The following SLC16A7 variants were observed in gnomAD, a reference collection of about 807,000 sequenced individuals.
SLC16A7 encodes the protein solute carrier family 16 member 7, also known as monocarboxylate transporter 2.
Under a neutral mutation model 34.9 loss-of-function variants are expected in SLC16A7, and 33 were observed. The ratio of observed to expected loss-of-function variants is 0.94; its 90% confidence interval spans 0.72 to 1.26. The LOEUF (loss-of-function observed/expected upper bound fraction) is 1.26. Among genes scored for constraint, SLC16A7 ranks in the 50% most tolerant of loss-of-function variants. SLC16A7 has a pLI of 0.00. For missense variants in SLC16A7, 573 were observed against 578.1 expected, an observed-to-expected ratio of 0.99 and a Z score of 0.09; for synonymous variants, 201 against 206.6, an observed-to-expected ratio of 0.97 and a Z score of 0.23.
At chr12:59,754,676 G>C (rs1880069654) in intron 3 of SLC16A7, among the ~76,000 whole-genome samples, 2 of 152,150 alleles carry the variant, frequency 1.3e-5, no homozygotes, top group Non-Finnish European at 2.9e-5. Context: ...TCTACCAGAG[G>C]TACAAGGAGG....
chr12:59,727,805 T>TG (rs35189005), intron 3 of SLC16A7, among the ~76,000 whole-genome samples: 3 of 151,866 alleles, frequency 2.0e-5, no homozygotes, highest in Admixed American at 6.6e-5. Flanking sequence ...TTAATTGTGT[T>TG]GGGGGGGAGG....
intron 3 of SLC16A7, among the ~76,000 whole-genome samples, chr12:59,721,453 T>C (rs1875580253): frequency 6.6e-6 from 1 of 151,954 alleles, no homozygotes; most frequent in African/African-American, 2.4e-5. Context: ...TCTCTCTCCA[T>C]TAGCAATATT....
intron 1 of SLC16A7, among the ~76,000 whole-genome samples, chr12:59,614,784 C>G (rs1023668540): frequency 7.9e-6 from 1 of 127,284 alleles, no homozygotes; most frequent in African/African-American, 3.1e-5. Context: ...GTCAGGAGAT[C>G]GAGACCATCC....
At chr12:59,765,151 T>C (rs1881458296) in intron 3 of SLC16A7, among the ~76,000 whole-genome samples, 1 of 152,244 alleles carries the variant, frequency 6.6e-6, no homozygotes, top group South Asian at 2.1e-4. Flanking sequence ...TGTCTATTCA[T>C]ATCCTTCGCC....
At chr12:59,720,754 G>T (rs763860356) in intron 3 of SLC16A7, among the ~76,000 whole-genome samples, 7 of 151,826 alleles carry the variant, frequency 4.6e-5, no homozygotes, top group African/African-American at 1.7e-4. Context: ...TCACCATGTC[G>T]TATCTTCCAC....
intron 5 of SLC16A7, among the ~76,000 whole-genome samples, chr12:59,777,302 C>T (rs530927074): frequency 2.2e-4 from 33 of 152,210 alleles, no homozygotes; most frequent in South Asian, 1.2e-3. Context: ...ATCTGCTACC[C>T]GTAATATTTC....
chr12:59,608,867 C>G (rs1425868104), intron 1 of SLC16A7, among the ~76,000 whole-genome samples: 1 of 152,058 alleles, frequency 6.6e-6, no homozygotes, highest in Non-Finnish European at 1.5e-5. Flanking sequence ...AGAAACACTT[C>G]TAAAAAAAGT....
intron 3 of SLC16A7, among the ~76,000 whole-genome samples, chr12:59,748,602 A>T (rs146538861): frequency 1.3e-5 from 2 of 152,334 alleles, no homozygotes; most frequent in African/African-American, 4.8e-5. Flanking sequence ...GATATGTACC[A>T]TAGACTGAAG....
chr12:59,696,566 A>C (rs1475843026), intron 2 of SLC16A7: 2 of 152,046 alleles, frequency 1.3e-5, no homozygotes, highest in Non-Finnish European at 2.9e-5. Flanking sequence ...GGCTGTGCTT[A>C]CAAGCTGTGC....
intron 1 of SLC16A7, among the ~76,000 whole-genome samples, chr12:59,626,039 T>C (rs527714685): frequency 7.8e-4 from 119 of 151,948 alleles, no homozygotes; most frequent in African/African-American, 2.8e-3. Context: ...TTATTGCAAA[T>C]TCATTGTCTA....
intron 3 of SLC16A7, among the ~76,000 whole-genome samples, chr12:59,734,995 C>G (rs1179471560): frequency 6.6e-6 from 1 of 152,176 alleles, no homozygotes; most frequent in African/African-American, 2.4e-5. Flanking sequence ...TTCTGTATAA[C>G]TAAATCATCT....
chr12:59,788,438 C>T lies in SLC16A7; in HGVS notation c.*8759C>T, dbSNP rs1883769963. ...ACCACTGAACAAATGATCATATTGC[C>T]ACATGGTCTATCAACTATGGTTACT... On this transcript the variant is annotated 3_prime_UTR_variant, in exon 6 of 6. Transcript: ENST00000547379. The T allele has an allele frequency of 6.6e-6, 1 of 151,932 alleles. No homozygotes were observed. The highest frequency in any genetic ancestry group is 6.6e-5 in the Admixed American group (1 of 15,252). 9.4% of individuals were successfully genotyped at this position (151,932 alleles called of 1,614,324 possible).
intron 1 of SLC16A7, among the ~76,000 whole-genome samples, chr12:59,609,217 T>C (rs1170462888): frequency 6.6e-6 from 1 of 152,210 alleles, no homozygotes; most frequent in Non-Finnish European, 1.5e-5. Flanking sequence ...TTTAGGGAGA[T>C]ACTAAATGAT....
intron 1 of SLC16A7, among the ~76,000 whole-genome samples, chr12:59,630,994 C>T (rs138392846): frequency 1.3e-5 from 2 of 151,788 alleles, no homozygotes; most frequent in Non-Finnish European, 2.9e-5. Flanking sequence ...TACATATTAA[C>T]CTCTTAGGTA....
At chr12:59,751,645 C>G (rs1368091500) in intron 3 of SLC16A7, among the ~76,000 whole-genome samples, 1 of 152,240 alleles carries the variant, frequency 6.6e-6, no homozygotes, top group Non-Finnish European at 1.5e-5. Context: ...GGAAGCCTGC[C>G]TGCCTCTGTA....
chr12:59,688,023 G>T (rs1871291490), intron 2 of SLC16A7, among the ~76,000 whole-genome samples: 1 of 152,030 alleles, frequency 6.6e-6, no homozygotes, highest in South Asian at 2.1e-4. Context: ...GAAAGACCTG[G>T]TAACTTTATT....
At chr12:59,608,981 T>C (rs1417393668) in intron 1 of SLC16A7, among the ~76,000 whole-genome samples, 6 of 152,232 alleles carry the variant, frequency 3.9e-5, no homozygotes, top group Admixed American at 3.9e-4. Context: ...GGTCAGTTAC[T>C]TTAAGTGTGA....
intron 1 of SLC16A7, among the ~76,000 whole-genome samples, chr12:59,631,898 G>A (rs1013728553): frequency 6.6e-6 from 1 of 151,992 alleles, no homozygotes; most frequent in Non-Finnish European, 1.5e-5. Context: ...GCTTAAATTA[G>A]TGTGTGTGTA....
At chr12:59,650,876 T>C (rs957311689) in intron 1 of SLC16A7, among the ~76,000 whole-genome samples, 1 of 152,218 alleles carries the variant, frequency 6.6e-6, no homozygotes, top group African/African-American at 2.4e-5. Context: ...TCTATCTTAA[T>C]TGTATGTAAA....
Sources: gnomAD v4.1 joint callset for allele counts (sites outside exome capture counted in the v4.1 genomes callset) on GRCh38, gnomAD v4.1.1 for gene constraint, MANE v1.5 for transcripts, NCBI Gene and HGNC (gene_info 2026-07-23, HGNC 2026-07-21) for gene names.